Variants in CCDC148 observed in about 807,000 individuals in gnomAD.
CCDC148 encodes coiled-coil domain containing 148, also known as coiled-coil domain-containing protein 148.
CCDC148 carries 89 observed loss-of-function variants against 85.7 expected under a neutral mutation model. The observed-to-expected ratio is 1.04, with a 90% CI of 0.87 to 1.24. The LOEUF is 1.24. Ranked by LOEUF, CCDC148 falls within the 50% of genes most tolerant of loss-of-function variation. The probability of loss-of-function intolerance (pLI) is 0.00; values close to 1 mark genes in which losing one functional copy is unlikely to be tolerated. For synonymous variants in CCDC148, 230 were observed against 213.9 expected (o/e 1.08, Z -0.66); for missense variants, 692 against 671.7 (o/e 1.03, Z -0.33).
chr2:158,398,214 T>C (rs529529874), intron 1 of CCDC148, among the ~76,000 whole-genome samples: 1 of 152,128 alleles, frequency 6.6e-6, no homozygotes, highest in East Asian at 1.9e-4. Context: ...ATTAGACAGA[T>C]CAACAAGACA....
At chr2:158,259,408 C>T (rs1043076295) in intron 9 of CCDC148, among the ~76,000 whole-genome samples, 10 of 151,798 alleles carry the variant, frequency 6.6e-5, no homozygotes, top group African/African-American at 2.2e-4. Context: ...ACCTACCACC[C>T]GGCACCTGAT....
intron 7 of CCDC148, among the ~76,000 whole-genome samples, chr2:158,317,118 T>C (rs910885971): frequency 1.2e-4 from 19 of 152,204 alleles, no homozygotes; most frequent in African/African-American, 4.6e-4. Context: ...ATCTCTTATC[T>C]ACTTTCTGAA....
At chr2:158,452,799 G>C (rs1688459285) in intron 1 of CCDC148, among the ~76,000 whole-genome samples, 1 of 152,116 alleles carries the variant, frequency 6.6e-6, no homozygotes, top group Non-Finnish European at 1.5e-5. Flanking sequence ...ATACGTACTA[G>C]GAAGCATTTC....
Position 158,254,073 on chromosome 2 carries a change from T to C in CCDC148, c.1111-3161A>G, listed in dbSNP as rs111358041. ...TGAACACTCAAAGAACTTTAACAAA[T>C]TACAAGAATAAAAATGAGGGATAAA... On this transcript the variant is annotated intron_variant, in intron 9 of 13. Coordinates refer to ENST00000283233, the MANE Select transcript of CCDC148 (RefSeq NM_138803.4). 3.2e-3 allele frequency among the ~76,000 whole-genome samples: 481 copies of C among 151,678 alleles called. 3 individuals carry two copies. The highest frequency in any genetic ancestry group is 0.011 in the African/African-American group (447 of 41,462).
intron 1 of CCDC148, among the ~76,000 whole-genome samples, chr2:158,437,757 G>C (rs372819596): frequency 6.6e-6 from 1 of 152,202 alleles, no homozygotes; most frequent in Non-Finnish European, 1.5e-5. Context: ...ATCTCCTTAA[G>C]CTGATAAGCA....
chr2:158,357,343 T>G (rs1016251784), intron 2 of CCDC148, among the ~76,000 whole-genome samples: 1 of 151,780 alleles, frequency 6.6e-6, no homozygotes, highest in South Asian at 2.1e-4. Context: ...TCAAGGCAAA[T>G]AGTAGGCACA....
At chr2:158,387,093 T>C (rs1685116744) in intron 1 of CCDC148, among the ~76,000 whole-genome samples, 1 of 152,142 alleles carries the variant, frequency 6.6e-6, no homozygotes, top group South Asian at 2.1e-4. Flanking sequence ...CACAACATAA[T>C]TTTCCAGCCT....
chr2:158,379,423 A>T (rs1215391903), intron 1 of CCDC148, among the ~76,000 whole-genome samples: 1 of 152,134 alleles, frequency 6.6e-6, no homozygotes, highest in Non-Finnish European at 1.5e-5. Flanking sequence ...CTGTTGAAAT[A>T]ATAAAGGATT....
intron 9 of CCDC148, among the ~76,000 whole-genome samples, chr2:158,265,310 C>A (rs1405487148): frequency 6.6e-6 from 1 of 152,084 alleles, no homozygotes; most frequent in African/African-American, 2.4e-5. Context: ...ACTAATGCAA[C>A]CAACCAATAA....
At chr2:158,281,958 C>T (rs2105176591) in intron 9 of CCDC148, among the ~76,000 whole-genome samples, 1 of 152,048 alleles carries the variant, frequency 6.6e-6, no homozygotes, top group Non-Finnish European at 1.5e-5. Context: ...CCCTGGGATG[C>T]AAGGCTGGTT....
At chr2:158,181,139 T>G (rs1052669363) in intron 11 of CCDC148, among the ~76,000 whole-genome samples, 1 of 152,182 alleles carries the variant, frequency 6.6e-6, no homozygotes, top group Non-Finnish European at 1.5e-5. Flanking sequence ...TACCATATGC[T>G]AATTCTCAGA....
At chr2:158,376,787 G>A (rs775192455) in intron 1 of CCDC148, among the ~76,000 whole-genome samples, 7 of 151,970 alleles carry the variant, frequency 4.6e-5, no homozygotes, top group African/African-American at 1.2e-4. Flanking sequence ...AATCATAAAC[G>A]AAAATCTTCC....
intron 11 of CCDC148, among the ~76,000 whole-genome samples, chr2:158,189,063 G>T (rs1389843677): frequency 6.6e-6 from 1 of 151,850 alleles, no homozygotes; most frequent in African/African-American, 2.4e-5. Context: ...GGTCAGAATG[G>T]CTATAATTAA....
rs910089820 is a variant in CCDC148, at chr2:158,295,155, C to T, written c.1110+14278G>A. On this transcript the variant is annotated intron_variant, in intron 9 of 13. Transcript: ENST00000283233. ...TGGATAAATTCCTCGACACATACACCCTCTCAAGACTAAACCAGGAAGAAG... is the reference window on the plus strand; with the variant it reads ...TGGATAAATTCCTCGACACATACACTCTCTCAAGACTAAACCAGGAAGAAG... Among the ~76,000 whole-genome samples, 3 of 151,904 alleles carry T rather than the reference C, an allele frequency of 2.0e-5. No homozygotes were observed. In the East Asian group the frequency reaches 5.8e-4, roughly 29 times the overall value.
intron 9 of CCDC148, among the ~76,000 whole-genome samples, chr2:158,256,344 T>C (rs1689011457): frequency 1.3e-5 from 2 of 151,722 alleles, no homozygotes; most frequent in South Asian, 2.1e-4. Context: ...GTTACCCCTA[T>C]AGTTCATTTA....
chr2:158,381,368 C>T (rs565432509), intron 1 of CCDC148, among the ~76,000 whole-genome samples: 41 of 152,238 alleles, frequency 2.7e-4, no homozygotes, highest in African/African-American at 7.7e-4. Context: ...TATTACAATG[C>T]GCTCAACTTT....
At chr2:158,420,568 AC>A (rs1187233210) in intron 1 of CCDC148, among the ~76,000 whole-genome samples, 2 of 152,202 alleles carry the variant, frequency 1.3e-5, no homozygotes, top group African/African-American at 2.4e-5. Context: ...GGCCTGCCTT[AC>A]AAGAGCTCCC....
At chr2:158,426,594 T>C (rs75287647) in intron 1 of CCDC148, among the ~76,000 whole-genome samples, 1 of 152,168 alleles carries the variant, frequency 6.6e-6, no homozygotes, top group Non-Finnish European at 1.5e-5. Context: ...AACACAAACT[T>C]TGAATTTGGC....
At chr2:158,360,921 A>G (rs1317876291) in intron 1 of CCDC148, among the ~76,000 whole-genome samples, 6 of 151,950 alleles carry the variant, frequency 3.9e-5, no homozygotes, top group African/African-American at 1.2e-4. Flanking sequence ...GAAGCTAAGA[A>G]CCTTGAAAAA....
Sources: gnomAD v4.1 joint callset for allele counts (sites outside exome capture counted in the v4.1 genomes callset) on GRCh38, gnomAD v4.1.1 for gene constraint, MANE v1.5 for transcripts, NCBI Gene and HGNC (gene_info 2026-07-23, HGNC 2026-07-21) for gene names.